The following SORCS2 variants were observed in gnomAD, a reference collection of about 807,000 sequenced individuals.
SORCS2 encodes VPS10 domain-containing receptor SorCS2.
SORCS2 carries 100 observed loss-of-function variants against 141.6 expected under a neutral mutation model. The ratio of observed to expected loss-of-function variants is 0.71; its 90% CI spans 0.60 to 0.83. The LOEUF is 0.83. SORCS2 is among the 40% of genes least tolerant of loss of function. SORCS2 has a pLI of 0.00. For missense variants in SORCS2, 1,646 were observed against 1,560.2 expected, an observed-to-expected ratio of 1.05 and a Z score of -0.93; for synonymous variants, 789 against 676.9, an observed-to-expected ratio of 1.17 and a Z score of -2.57.
intron 2 of SORCS2, among the ~76,000 whole-genome samples, chr4:7,440,634 C>G (rs1227430997): frequency 1.3e-5 from 2 of 152,218 alleles, no homozygotes; most frequent in Non-Finnish European, 1.5e-5. Context: ...CTAGACAGCA[C>G]CATCTTACCT....
At chr4:7,692,312 C>T (rs1015053500) in intron 11 of SORCS2, among the ~76,000 whole-genome samples, 5 of 152,152 alleles carry the variant, frequency 3.3e-5, no homozygotes, top group Non-Finnish European at 5.9e-5. Flanking sequence ...CTGCCCACCC[C>T]GCCGTTCATT....
intron 3 of SORCS2, among the ~76,000 whole-genome samples, chr4:7,599,660 G>C (rs1016650921): frequency 6.6e-6 from 1 of 152,066 alleles, no homozygotes; most frequent in Non-Finnish European, 1.5e-5. Flanking sequence ...CTGGCACAGC[G>C]GGGGCAGGTC....
At chr4:7,609,460 G>A (rs535802502) in intron 3 of SORCS2, among the ~76,000 whole-genome samples, 47 of 152,180 alleles carry the variant, frequency 3.1e-4, no homozygotes, top group Non-Finnish European at 5.0e-4. Flanking sequence ...CTCAGCCCTC[G>A]TCAACTGCCA....
intron 1 of SORCS2, among the ~76,000 whole-genome samples, chr4:7,315,225 C>A (rs545982822): frequency 6.6e-6 from 1 of 152,206 alleles, no homozygotes; most frequent in South Asian, 2.1e-4. Flanking sequence ...GCCTCTGCAG[C>A]CCCTGGTTGG....
chr4:7,583,060 C>T (rs1384318006), intron 3 of SORCS2, among the ~76,000 whole-genome samples: 3 of 152,288 alleles, frequency 2.0e-5, no homozygotes, highest in East Asian at 3.9e-4. Flanking sequence ...CTTTGGCAAA[C>T]GGGCTGAAAC....
At chr4:7,508,699 T>C (rs7700184) in intron 2 of SORCS2, among the ~76,000 whole-genome samples, 23,167 of 152,144 alleles carry the variant, frequency 0.15, 3,353 homozygotes, top group African/African-American at 0.38. Flanking sequence ...TTACAGTGCA[T>C]GCGTTTGATT....
At chr4:7,720,545 C>G (rs1242909333) in intron 18 of SORCS2, among the ~76,000 whole-genome samples, 1 of 152,092 alleles carries the variant, frequency 6.6e-6, no homozygotes, top group Non-Finnish European at 1.5e-5. Flanking sequence ...CTGTGAAACA[C>G]CCATGTTAAG....
chr4:7,643,761 G>A (rs1033361057), intron 4 of SORCS2, among the ~76,000 whole-genome samples: 2 of 152,214 alleles, frequency 1.3e-5, no homozygotes, highest in Admixed American at 1.3e-4. Flanking sequence ...TGCTGGCAGT[G>A]GGTGTGAGGA....
chr4:7,472,922 A>AC (rs1449740689), intron 2 of SORCS2, among the ~76,000 whole-genome samples: 1 of 151,874 alleles, frequency 6.6e-6, no homozygotes, highest in Non-Finnish European at 1.5e-5. Context: ...TCATCATAAA[A>AC]AAAAAAACAA....
At chr4:7,559,149 AC>A (rs1217293818) in intron 3 of SORCS2, among the ~76,000 whole-genome samples, 1 of 151,512 alleles carries the variant, frequency 6.6e-6, no homozygotes, top group Non-Finnish European at 1.5e-5. Flanking sequence ...TTCTCCCATC[AC>A]CCACTGCTGC....
chr4:7,521,081 G>A (rs949438157), intron 2 of SORCS2, among the ~76,000 whole-genome samples: 3 of 152,072 alleles, frequency 2.0e-5, no homozygotes, highest in Non-Finnish European at 4.4e-5. Context: ...CAGTTTCCTG[G>A]TCAGCGAAAT....
At chr4:7,600,650 TATATATACACACACACACACACAC>T (rs1717601038) in intron 3 of SORCS2, among the ~76,000 whole-genome samples, 2 of 89,012 alleles carry the variant, frequency 2.2e-5, no homozygotes, top group African/African-American at 1.0e-4. Flanking sequence ...GATATACATA[TATATATACACACACACACACACAC>T]ACACACACAC....
At chr4:7,682,185 C>G (rs1484227790) in intron 9 of SORCS2, among the ~76,000 whole-genome samples, 1 of 152,178 alleles carries the variant, frequency 6.6e-6, no homozygotes, top group Non-Finnish European at 1.5e-5. Context: ...CAGGTTAGCC[C>G]TGAGCAATGA....
chr4:7,655,379 C>T (rs1436981384), intron 5 of SORCS2, among the ~76,000 whole-genome samples: 1 of 152,228 alleles, frequency 6.6e-6, no homozygotes, highest in African/African-American at 2.4e-5. Context: ...GGAGCCCGGG[C>T]TATCAGCCCT....
chr4:7,711,381 C>T (rs1354848592), intron 14 of SORCS2, among the ~76,000 whole-genome samples: 2 of 152,214 alleles, frequency 1.3e-5, no homozygotes, highest in East Asian at 1.9e-4. Context: ...CCTTTCAGCT[C>T]ATCATGGGCC....
At chr4:7,520,639 G>C (rs958537411) in intron 2 of SORCS2, among the ~76,000 whole-genome samples, 2 of 152,226 alleles carry the variant, frequency 1.3e-5, no homozygotes, top group East Asian at 1.9e-4. Flanking sequence ...TGGATGCAGA[G>C]AGGTGGGCAC....
Position 7,285,110 on chromosome 4 carries a change from G to A in SORCS2, c.480+91984G>A, listed in dbSNP as rs577377532. Among the ~76,000 whole-genome samples the A allele has an allele frequency of 5.8e-4, 87 of 151,074 alleles. 1 individual carries two copies. The East Asian group carries it at 9.9e-3, about 17-fold the overall frequency. On this transcript the variant is annotated intron_variant, in intron 1 of 26. Coordinates refer to ENST00000507866, the MANE Select transcript of SORCS2 (RefSeq NM_020777.3). ...TGCAGTGGCATGATCTTGGTTCACC[G>A]CAACCTCCACCTCCTGGGTTCAAAC...
At chr4:7,366,021 GTTT>G in intron 1 of SORCS2, among the ~76,000 whole-genome samples, 1 of 152,266 alleles carries the variant, frequency 6.6e-6, no homozygotes, top group South Asian at 2.1e-4. Context: ...TCTGTCCCCT[GTTT>G]TTATTTGTCA....
Position 7,360,571 on chromosome 4 carries a change from C to CTTTTTTTTTTTTTTTTTT in SORCS2, c.481-35709_481-35692dup, listed in dbSNP as rs753548897. ...TCCCTAAATACCCTCCCAGTCCCTTCTTTTTTTTTTTTTTTTTTTTTTTTT... is the reference window on the plus strand; with the variant it reads ...TCCCTAAATACCCTCCCAGTCCCTTCTTTTTTTTTTTTTTTTTTTTTTTTTTTTTTTTTTTTTTTTTTT... On this transcript the variant is annotated intron_variant, in intron 1 of 26. Coordinates refer to ENST00000507866, the MANE Select transcript of SORCS2 (RefSeq NM_020777.3). Among the ~76,000 whole-genome samples the CTTTTTTTTTTTTTTTTTT allele has an allele frequency of 4.9e-4, 24 of 49,284 alleles. 6 individuals carry two copies. The highest frequency in any genetic ancestry group is 8.8e-4 in the African/African-American group (9 of 10,242). The allele number at this position is 49,284 out of a possible 152,430, so 32.3% of individuals were successfully genotyped here.
Sources: allele counts gnomAD v4.1 joint callset (sites outside exome capture counted in the v4.1 genomes callset), GRCh38; gene constraint gnomAD v4.1.1; transcripts MANE v1.5; gene names NCBI Gene and HGNC (gene_info 2026-07-23, HGNC 2026-07-21).